PCDHGA11: variants seen among roughly 807,000 people sequenced by gnomAD.
The protein encoded by PCDHGA11 is protocadherin gamma subfamily A, 11, also known as protocadherin gamma-A11.
A neutral mutation model predicts 60.4 loss-of-function variants in PCDHGA11; 39 were observed. The observed-to-expected ratio is 0.65, with a 90% CI of 0.50 to 0.84. PCDHGA11 has a LOEUF of 0.84. PCDHGA11 is among the 40% of genes least tolerant of loss of function. The probability of loss-of-function intolerance (pLI) is 0.00; values close to 1 mark genes in which losing one functional copy is unlikely to be tolerated. For synonymous variants in PCDHGA11, 533 were observed against 510.3 expected, an observed-to-expected ratio of 1.04 and a Z score of -0.60; for missense variants, 1,165 against 1,197.7, an observed-to-expected ratio of 0.97 and a Z score of 0.40.
intron 1 of PCDHGA11, among the ~76,000 whole-genome samples, chr5:141,444,257 C>T (rs376980362): frequency 1.2e-4 from 18 of 147,512 alleles, no homozygotes; most frequent in East Asian, 6.0e-4. Context: ...CTGCAACCTC[C>T]GCCTCCCAGG....
chr5:141,444,467 G>C (rs1288596542), intron 1 of PCDHGA11, among the ~76,000 whole-genome samples: 2 of 151,998 alleles, frequency 1.3e-5, no homozygotes, highest in Admixed American at 6.6e-5. Flanking sequence ...CACTGCGCCC[G>C]GTCGCGTACT....
intron 2 of PCDHGA11, among the ~76,000 whole-genome samples, chr5:141,504,211 A>G (rs2099836609): frequency 6.6e-6 from 1 of 152,218 alleles, no homozygotes. Flanking sequence ...GGAAAATTCC[A>G]AGTAGAGCTG....
chr5:141,508,935 A>T (rs180987868), intron 3 of PCDHGA11, among the ~76,000 whole-genome samples: 2 of 152,118 alleles, frequency 1.3e-5, no homozygotes, highest in Non-Finnish European at 2.9e-5. Context: ...GGAGTTAATT[A>T]GGGAAAACAG....
At chr5:141,449,588 CAAAA>C (rs768743917) in intron 1 of PCDHGA11, among the ~76,000 whole-genome samples, 2 of 57,488 alleles carry the variant, frequency 3.5e-5, no homozygotes, top group Non-Finnish European at 3.7e-5. Flanking sequence ...GACTCTGTCT[CAAAA>C]AAAAAAAAAA....
At chr5:141,426,657 A>G (rs1369635444) in intron 1 of PCDHGA11, 2 of 425,278 alleles carry the variant, frequency 4.7e-6, no homozygotes, top group Non-Finnish European at 9.7e-6. Flanking sequence ...GATAGAAGAT[A>G]TAAATGATAA....
chr5:141,422,520 G>T lies in PCDHGA11; in HGVS notation c.1293G>T (p.Pro431=). The T allele has an allele frequency of 1.2e-6, 2 of 1,613,946 alleles. No homozygotes were observed. The highest frequency in any genetic ancestry group is 1.6e-4 in the Middle Eastern group (1 of 6,062). The change falls in exon 1 of 4, where the codon CCG becomes CCT. Residue 431 remains proline, a synonymous_variant. Coordinates refer to ENST00000398587, the MANE Select transcript of PCDHGA11 (RefSeq NM_018914.3). The stretch of plus-strand genomic sequence containing the variant: ...TGACAGCCACAGACCAGGGAAGCCC[G>T]CCTTTGTCTGCAGAAACTCATGTCT... ...ITLTATDQGS[P]PLSAETHVWL... is the part of the protein sequence containing the mutation.
intron 1 of PCDHGA11, chr5:141,433,250 G>A: frequency 1.4e-6 from 2 of 1,440,892 alleles, no homozygotes; most frequent in Non-Finnish European, 1.9e-6. Flanking sequence ...CTGGAATGCA[G>A]CGGTACGATC....
intron 1 of PCDHGA11, 90 bp downstream of exon 1, chr5:141,423,750 T>TG (rs144521096): frequency 0.16 from 45,934 of 282,282 alleles, 1,791 homozygotes; most frequent in African/African-American, 0.37. Context: ...GAAAACTGTT[T>TG]GGGGGGGGGG....
At position 141,477,687 on chromosome 5, in the gene PCDHGA11, C is replaced by A. The variant is rs1206813120; in HGVS notation, c.2434-17120C>A. The A allele has an allele frequency of 5.6e-6, 9 of 1,614,022 alleles. No homozygotes were observed. The highest frequency in any genetic ancestry group is 7.6e-6 in the Non-Finnish European group (9 of 1,180,040). ...AATGGCATAGTGTCATCCTTAGTGC[C>A]CCTAGACTATGAGGATCGGCGGGAA... On this transcript the variant is annotated intron_variant, in intron 1 of 3. Coordinates refer to ENST00000398587, the MANE Select transcript of PCDHGA11 (RefSeq NM_018914.3). This position sits in a 1 kb window ranked among gnomAD's most constrained non-coding sequence, Gnocchi z 4.9.
At chr5:141,428,613 C>T (rs1247239314) in intron 1 of PCDHGA11, 1 of 212,608 alleles carries the variant, frequency 4.7e-6, no homozygotes, top group African/African-American at 2.3e-5. Flanking sequence ...AAGAGAATAA[C>T]AAGATAAGCT....
At chr5:141,455,103 C>T (rs1319698016) in intron 1 of PCDHGA11, among the ~76,000 whole-genome samples, 1 of 151,862 alleles carries the variant, frequency 6.6e-6, no homozygotes, top group South Asian at 2.1e-4. Flanking sequence ...TGAGCCACTG[C>T]GCCCGGTGGG....
intron 1 of PCDHGA11, among the ~76,000 whole-genome samples, chr5:141,474,227 G>A (rs1394834744): frequency 6.6e-6 from 1 of 152,190 alleles, no homozygotes; most frequent in Non-Finnish European, 1.5e-5. Flanking sequence ...TGTGAATTAA[G>A]TGATGCTGAA....
At position 141,491,687 on chromosome 5, in the gene PCDHGA11, G is replaced by T. The variant is rs946829558; in HGVS notation, c.2434-3120G>T. 6.2e-7 allele frequency: 1 copy of T among 1,613,072 alleles called. No individual in the cohort carries two copies. Among genetic ancestry groups the T allele is most frequent in the African/African-American group, 1.3e-5 (1 of 75,046 alleles). On this transcript the variant is annotated intron_variant, in intron 1 of 3. Transcript: ENST00000398587. This position sits in a 1 kb window ranked among gnomAD's most constrained non-coding sequence, Gnocchi z 6.9. ...ATCCGGTCCCGCTCTAATACGCTGC[G>T]GGAGCGGAGCCAGGTGAGGGGCTCG...
intron 1 of PCDHGA11, chr5:141,428,358 G>C: frequency 1.8e-6 from 1 of 565,492 alleles, no homozygotes; most frequent in South Asian, 1.9e-5. Context: ...TGATTTTGGC[G>C]GTCGCCTTGC....
intron 1 of PCDHGA11, among the ~76,000 whole-genome samples, chr5:141,463,438 CTTTTTTTTTTTTTTTT>C (rs71576115): frequency 1.9e-5 from 2 of 103,256 alleles, no homozygotes; most frequent in African/African-American, 4.5e-5. Context: ...TTTCCTTCTC[CTTTTTTTTTTTTTTTT>C]TTTTTTTTTT....
chr5:141,511,695 C>T lies in PCDHGA11; in HGVS notation c.*522C>T, dbSNP rs1009832192. 1 of 195,662 alleles carries T rather than the reference C, an allele frequency of 5.1e-6. No individual in the cohort carries two copies. Among genetic ancestry groups the T allele is most frequent in the Non-Finnish European group, 1.1e-5 (1 of 92,626 alleles). The allele number at this position is 195,662 out of a possible 1,614,324, so 12.1% of individuals were successfully genotyped here. On this transcript the variant is annotated 3_prime_UTR_variant, in exon 4 of 4. Coordinates refer to ENST00000398587, the MANE Select transcript of PCDHGA11 (RefSeq NM_018914.3). ...CTTCCCCCAAAGCATGGTTTGGTGC[C>T]AGCCCCTTCACCTCCTTCCAGAGCC...
intron 1 of PCDHGA11, among the ~76,000 whole-genome samples, chr5:141,445,961 G>C (rs944876169): frequency 6.6e-6 from 1 of 152,158 alleles, no homozygotes; most frequent in Non-Finnish European, 1.5e-5. Flanking sequence ...GCTATATGGA[G>C]AATTGATTTA....
intron 1 of PCDHGA11, among the ~76,000 whole-genome samples, chr5:141,469,102 A>G (rs1423904196): frequency 6.6e-6 from 1 of 151,626 alleles, no homozygotes; most frequent in East Asian, 1.9e-4. Flanking sequence ...CAAAGCAAGA[A>G]CCTGTCTCTA....
Position 141,431,887 on chromosome 5 carries a change from T to G in PCDHGA11, c.2433+8227T>G. ...TTTTAAATGTAAATGACCAAGATTC[T>G]GAGGAAAACGGACAGGTGATCTGTT... On this transcript the variant is annotated intron_variant, in intron 1 of 3. Transcript: ENST00000398587. The surrounding 1 kb of genome is among the most constrained non-coding windows in gnomAD (Gnocchi z 4.8). 6.2e-7 allele frequency: 1 copy of G among 1,614,190 alleles called. No individual in the cohort carries two copies. Among genetic ancestry groups the G allele is most frequent in the Non-Finnish European group, 8.5e-7 (1 of 1,179,996 alleles).
Sources: gnomAD v4.1 joint callset for allele counts (sites outside exome capture counted in the v4.1 genomes callset) on GRCh38, gnomAD v4.1.1 for gene constraint, Gnocchi (gnomAD v3.1) non-coding constraint, MANE v1.5 for transcripts, NCBI Gene and HGNC (gene_info 2026-07-23, HGNC 2026-07-21) for gene names.